AP5Z1: variants seen among roughly 807,000 people sequenced by gnomAD.
AP5Z1 encodes adaptor related protein complex 5 subunit zeta 1.
A neutral mutation model predicts 83.0 loss-of-function variants in AP5Z1; 106 were observed. The ratio of observed to expected loss-of-function variants is 1.28; its 90% confidence interval spans 1.09 to 1.50. The LOEUF is 1.50. Ranked by LOEUF, AP5Z1 falls within the 40% of genes most tolerant of loss-of-function variation. The probability of loss-of-function intolerance (pLI) is 0.00; values close to 1 mark genes in which losing one functional copy is unlikely to be tolerated. For synonymous variants in AP5Z1, 751 were observed against 514.1 expected (o/e 1.46, Z -6.23); for missense variants, 1,565 against 1,094.2 (o/e 1.43, Z -6.07).
chr7:4,790,007 C>CCCA, intron 14 of AP5Z1, 78 bp downstream of exon 14: 1 of 1,142,444 alleles, frequency 8.8e-7, no homozygotes, highest in Non-Finnish European at 1.2e-6. Flanking sequence ...TCCCCCCTCC[C>CCCA]CTTCAGTGGC....
intron 10 of AP5Z1, 131 bp from the exon 11 acceptor site, chr7:4,787,503 G>C (rs1781585024): frequency 1.5e-6 from 2 of 1,321,958 alleles, no homozygotes; most frequent in African/African-American, 3.0e-5. Context: ...TAAAAAGCGG[G>C]AGGAGGCAAA....
Position 4,790,775 on chromosome 7 carries a change from G to A in AP5Z1, c.2041G>A (p.Val681Ile), listed in dbSNP as rs1281457510. ...FEALEALLFE[V>I]TQCRPSAALP... ...AGCCCTGGAGGCTCTGCTATTCGAG[G>A]TCACCCAGTGCCGCCCCTCTGCTGC... is the stretch of plus-strand genomic sequence containing the variant. The change falls in exon 16 of 17, where the codon GTC becomes ATC. Residue 681 changes from valine (V) to isoleucine (I), a missense_variant. Val to Ile is a conservative substitution (Grantham distance 29). Transcript: ENST00000649063. 6.2e-7 allele frequency: 1 copy of A among 1,608,672 alleles called. No individual in the cohort carries two copies. The highest frequency in any genetic ancestry group is 1.3e-5 in the African/African-American group (1 of 74,822).
At chr7:4,789,992 T>TTCCC in intron 14 of AP5Z1, 63 bp downstream of exon 14, 2 of 516,476 alleles carry the variant, frequency 3.9e-6, no homozygotes, top group South Asian at 4.0e-5. Flanking sequence ...CCTCCCCCTC[T>TTCCC]CCCCTCCCCC....
At chr7:4,785,496 C>T in intron 8 of AP5Z1, 26 bp from the exon 9 acceptor site, 2 of 1,613,330 alleles carry the variant, frequency 1.2e-6, no homozygotes, top group Admixed American at 1.7e-5. Context: ...CGACTCGGCC[C>T]ATTTGATGTG....
chr7:4,786,552 TGGAATGC>T, intron 10 of AP5Z1, 124 bp downstream of exon 10: 1 of 1,098,170 alleles, frequency 9.1e-7, no homozygotes, highest in Non-Finnish European at 1.3e-6. Context: ...GTCCCGGGCC[TGGAATGC>T]GGTGTGCAGG....
intron 10 of AP5Z1, 131 bp downstream of exon 10, chr7:4,786,559 C>G: frequency 1.9e-6 from 2 of 1,060,028 alleles, no homozygotes; most frequent in South Asian, 3.1e-5. Context: ...GCCTGGAATG[C>G]GGTGTGCAGG....
intron 11 of AP5Z1, 87 bp from the exon 12 acceptor site, chr7:4,788,067 G>T: frequency 6.9e-7 from 1 of 1,440,474 alleles, no homozygotes; most frequent in Non-Finnish European, 9.2e-7. Context: ...GTGATATTAG[G>T]GACACCTGCC....
At chr7:4,780,485 C>A (rs544553943) in intron 1 of AP5Z1, among the ~76,000 whole-genome samples, 1 of 151,852 alleles carries the variant, frequency 6.6e-6, no homozygotes, top group Admixed American at 6.6e-5. Context: ...CGGGCGTAGG[C>A]CAGGCGCGGT....
At chr7:4,786,492 C>G in intron 10 of AP5Z1, 64 bp downstream of exon 10, 6 of 1,581,722 alleles carry the variant, frequency 3.8e-6, no homozygotes, top group Non-Finnish European at 4.3e-6. Flanking sequence ...CTCCTCCCCT[C>G]TTTCCAGCGG....
chr7:4,783,399 C>G lies in AP5Z1; in HGVS notation c.450C>G (p.Leu150=). 6.2e-7 allele frequency: 1 copy of G among 1,613,242 alleles called. No individual in the cohort carries two copies. Among genetic ancestry groups the G allele is most frequent in the Non-Finnish European group, 8.5e-7 (1 of 1,179,788 alleles). The change falls in exon 4 of 17, where the codon CTC becomes CTG. Residue 150 remains leucine, a synonymous_variant. Transcript: ENST00000649063. ...LESRQPEGPS[L]RHLLPVMAKV... is the part of the protein sequence containing the mutation. ...GCCGGCAGCCTGAGGGACCCAGCCT[C>G]AGACACCTCCTCCCCGTCATGGCCA...
rs111580118 is a variant in AP5Z1 at position 4,788,313 on chromosome 7, A to G, written c.1595+19A>G. On this transcript the variant is annotated intron_variant, in intron 12 of 16. Transcript: ENST00000649063. The stretch of plus-strand genomic sequence containing the variant: ...CTGAGAGGTACGGGGCCCTAGGGCC[A>G]GGGGGCCACCAGTGGCTCAGAGAGC... 9.6e-6 allele frequency: 15 copies of G among 1,562,114 alleles called. No homozygotes were observed. Among genetic ancestry groups the G allele is most frequent in the Non-Finnish European group, 1.1e-5 (13 of 1,153,558 alleles).
intron 12 of AP5Z1, 196 bp downstream of exon 12, chr7:4,788,490 G>C (rs1311791339): frequency 1.5e-6 from 1 of 666,502 alleles, no homozygotes; most frequent in Non-Finnish European, 2.4e-6. Context: ...CCTGGTCTCA[G>C]CTCTCTCTGC....
chr7:4,789,957 G>T (rs1394405375), intron 14 of AP5Z1, 28 bp downstream of exon 14: 1 of 1,498,206 alleles, frequency 6.7e-7, no homozygotes, highest in Non-Finnish European at 9.0e-7. Flanking sequence ...TCCTGCCACA[G>T]CCCTGGGCGG....
At chr7:4,784,555 T>G (rs1226293524) in intron 6 of AP5Z1, among the ~76,000 whole-genome samples, 184 bp downstream of exon 6, 1 of 152,052 alleles carries the variant, frequency 6.6e-6, no homozygotes, top group Non-Finnish European at 1.5e-5. Context: ...GGCCAGCATC[T>G]TTGGGGTCCA....
At position 4,790,543 on chromosome 7, in the gene AP5Z1, G is replaced by A. The variant is rs772529944; in HGVS notation, c.1890G>A (p.Leu630=). The change falls in exon 15 of 17, where the codon CTG becomes CTA. Residue 630 remains leucine, a synonymous_variant. Coordinates refer to ENST00000649063, the MANE Select transcript of AP5Z1 (RefSeq NM_014855.3). ...VELARDLLEF[L]GSVNGLCSRA... is the part of the protein sequence containing the mutation. ...TGGCAAGAGACCTGCTGGAGTTCCT[G>A]GGCAGCGTGAATGGTCTCTGCAGCA... 1.3e-5 allele frequency: 21 copies of A among 1,613,018 alleles called. No individual in the cohort carries two copies. The highest frequency in any genetic ancestry group is 1.8e-5 in the Non-Finnish European group (21 of 1,179,872).
rs767018869 is a variant in AP5Z1, at chr7:4,787,666, C to T, written c.1344C>T (p.Ser448=). Reference sequence around the variant, plus strand: ...CCTGGAACAGCCCACCCCTCACCTCCGAGTTTGTGGCGCTCCTCCCGGCCC... The same window carrying T: ...CCTGGAACAGCCCACCCCTCACCTCTGAGTTTGTGGCGCTCCTCCCGGCCC... ...FLAWNSPPLT[S]EFVALLPALV... The change falls in exon 11 of 17, where the codon TCC becomes TCT. Residue 448 remains serine, a synonymous_variant. Transcript: ENST00000649063. 75 of 1,553,216 alleles carry T rather than the reference C, an allele frequency of 4.8e-5. 1 individual carries two copies. The highest frequency in any genetic ancestry group is 4.2e-4 in the South Asian group (35 of 84,182).
intron 1 of AP5Z1, among the ~76,000 whole-genome samples, chr7:4,780,816 G>A (rs187135886): frequency 5.5e-4 from 84 of 152,292 alleles, no homozygotes; most frequent in Admixed American, 3.9e-3. Flanking sequence ...GCTCATTGAA[G>A]ACATCTTTTG....
At position 4,791,756 on chromosome 7, in the gene AP5Z1, G is replaced by C. The variant is rs887580510; in HGVS notation, c.*371G>C. On this transcript the variant is annotated 3_prime_UTR_variant, in exon 17 of 17. Transcript: ENST00000649063. ...AGTAAAAGTAAATCTCCTTTAATAAGCGTCTGTATGAAGAGTGCGCGATCA... is the reference window on the plus strand; with the variant it reads ...AGTAAAAGTAAATCTCCTTTAATAACCGTCTGTATGAAGAGTGCGCGATCA... The C allele has an allele frequency of 4.2e-5, 12 of 286,246 alleles. No individual in the cohort carries two copies. The highest frequency in any genetic ancestry group is 2.2e-4 in the African/African-American group (10 of 46,216). 17.7% of individuals were successfully genotyped at this position (286,246 alleles called of 1,614,324 possible).
chr7:4,790,245 CTCTGAG>C, intron 14 of AP5Z1: 1 of 1,547,980 alleles, frequency 6.5e-7, no homozygotes, highest in African/African-American at 1.4e-5. Context: ...CCTGGTTCCA[CTCTGAG>C]CCTGGGCCTG....
Sources: gnomAD v4.1 joint callset for allele counts (sites outside exome capture counted in the v4.1 genomes callset) on GRCh38, gnomAD v4.1.1 for gene constraint, MANE v1.5 for transcripts, NCBI Gene and HGNC (gene_info 2026-07-23, HGNC 2026-07-21) for gene names.